CA10: variants seen among roughly 807,000 people sequenced by gnomAD.
CA10 encodes the protein carbonic anhydrase 10 (inactive).
CA10 carries 14 observed loss-of-function variants against 44.2 expected under a neutral mutation model. The observed-to-expected ratio is 0.32, with a 90% confidence interval of 0.21 to 0.50. The LOEUF is 0.50. Ranked by LOEUF, CA10 falls within the 20% of genes least tolerant of loss-of-function variation. The pLI, the probability that CA10 is intolerant of heterozygous loss-of-function variation, is 0.99. For synonymous variants in CA10, 159 were observed against 141.6 expected (o/e 1.12, Z -0.87); for missense variants, 350 against 409.7 (o/e 0.85, Z 1.26).
At chr17:51,725,775 G>A (rs569458931) in intron 4 of CA10, among the ~76,000 whole-genome samples, 23 of 152,260 alleles carry the variant, frequency 1.5e-4, no homozygotes, top group African/African-American at 5.5e-4. Flanking sequence ...CAGCTGTAAT[G>A]GGCCCTGGGC....
chr17:51,898,367 A>G (rs1277381374), intron 3 of CA10, among the ~76,000 whole-genome samples: 1 of 152,084 alleles, frequency 6.6e-6, no homozygotes, highest in African/African-American at 2.4e-5. Context: ...TGATTTGCCT[A>G]TGTTGAACCA....
intron 3 of CA10, among the ~76,000 whole-genome samples, chr17:51,905,914 C>T (rs1981529742): frequency 6.6e-6 from 1 of 152,118 alleles, no homozygotes; most frequent in Non-Finnish European, 1.5e-5. Flanking sequence ...ACTTCCCCAG[C>T]TGTACCCACA....
At chr17:51,914,987 T>A (rs562254754) in intron 3 of CA10, among the ~76,000 whole-genome samples, 1 of 152,208 alleles carries the variant, frequency 6.6e-6, no homozygotes, top group Admixed American at 6.6e-5. Context: ...CTTTCCCTTT[T>A]TTCATCTATA....
intron 2 of CA10, among the ~76,000 whole-genome samples, chr17:51,989,375 T>C (rs1211018412): frequency 6.6e-6 from 1 of 152,060 alleles, no homozygotes; most frequent in Non-Finnish European, 1.5e-5. Context: ...GTCCATGTGT[T>C]CTCACCTTTT....
intron 2 of CA10, among the ~76,000 whole-genome samples, chr17:51,935,379 A>G (rs962314775): frequency 2.0e-5 from 3 of 152,192 alleles, no homozygotes; most frequent in Non-Finnish European, 2.9e-5. Flanking sequence ...TGTTGAGAGA[A>G]AATGTAAATA....
chr17:52,011,537 T>G (rs1485131627), intron 2 of CA10, among the ~76,000 whole-genome samples: 2 of 152,060 alleles, frequency 1.3e-5, no homozygotes, highest in East Asian at 3.9e-4. Flanking sequence ...ATATAAAACA[T>G]GAGATGCTTT....
chr17:51,924,619 A>G (rs543752187), intron 3 of CA10, among the ~76,000 whole-genome samples: 3 of 152,156 alleles, frequency 2.0e-5, no homozygotes, highest in Non-Finnish European at 4.4e-5. Context: ...CCTTCTTTCC[A>G]TAAGAGGGGA....
At chr17:51,878,430 A>G (rs1980187343) in intron 3 of CA10, among the ~76,000 whole-genome samples, 1 of 152,082 alleles carries the variant, frequency 6.6e-6, no homozygotes, top group South Asian at 2.1e-4. Context: ...AGCTATTTAG[A>G]GATGTGAAGA....
chr17:51,667,444 CT>C (rs1352391598), intron 4 of CA10, among the ~76,000 whole-genome samples: 2 of 152,054 alleles, frequency 1.3e-5, no homozygotes, highest in East Asian at 1.9e-4. Flanking sequence ...TAAAACAGCC[CT>C]TGTGGTATAT....
chr17:51,690,301 C>CATGTACAGT (rs1915149890), intron 4 of CA10, among the ~76,000 whole-genome samples: 1 of 152,186 alleles, frequency 6.6e-6, no homozygotes, highest in African/African-American at 2.4e-5. Context: ...CTATAGTCAT[C>CATGTACAGT]ATGTACAGTA....
chr17:51,879,248 A>T (rs925037094), intron 3 of CA10, among the ~76,000 whole-genome samples: 1 of 152,016 alleles, frequency 6.6e-6, no homozygotes, highest in Non-Finnish European at 1.5e-5. Flanking sequence ...GTTACAGTGA[A>T]TTTTTTCATG....
chr17:51,922,125 C>A (rs203076), intron 3 of CA10, among the ~76,000 whole-genome samples: 113,012 of 152,050 alleles, frequency 0.74, 42,402 homozygotes, highest in African/African-American at 0.8. Context: ...TACCTGCCTA[C>A]TAAGTGCATT....
chr17:51,771,374 C>A (rs1311656457), intron 3 of CA10, among the ~76,000 whole-genome samples: 1 of 152,104 alleles, frequency 6.6e-6, no homozygotes, highest in Non-Finnish European at 1.5e-5. Context: ...GGATGATTGA[C>A]CTGTCCAAAA....
chr17:52,033,578 A>T (rs1448046652), intron 2 of CA10, among the ~76,000 whole-genome samples: 1 of 152,214 alleles, frequency 6.6e-6, no homozygotes, highest in African/African-American at 2.4e-5. Context: ...TCAGCAGTTA[A>T]ATGAACTAAA....
intron 3 of CA10, among the ~76,000 whole-genome samples, chr17:51,797,901 T>C (rs1598050130): frequency 7.6e-6 from 1 of 130,924 alleles, no homozygotes; most frequent in Non-Finnish European, 1.6e-5. Flanking sequence ...TTGACAAGAG[T>C]AGCTAATCTA....
At chr17:51,766,516 T>C (rs939891926) in intron 3 of CA10, among the ~76,000 whole-genome samples, 1 of 152,200 alleles carries the variant, frequency 6.6e-6, no homozygotes, top group African/African-American at 2.4e-5. Context: ...CTTAGCTTCA[T>C]GGTGTTGGGC....
At chr17:52,039,232 A>G (rs1986701776) in intron 2 of CA10, among the ~76,000 whole-genome samples, 1 of 152,126 alleles carries the variant, frequency 6.6e-6, no homozygotes, top group African/African-American at 2.4e-5. Flanking sequence ...TTATTGTAGC[A>G]CTGAAATCCA....
At chr17:51,981,683 A>G (rs1479976519) in intron 2 of CA10, among the ~76,000 whole-genome samples, 1 of 152,072 alleles carries the variant, frequency 6.6e-6, no homozygotes, top group East Asian at 1.9e-4. Context: ...TCATTTCTAC[A>G]AGACTACCCA....
chr17:51,750,650 T>C (rs1904861422), intron 3 of CA10, among the ~76,000 whole-genome samples: 1 of 152,226 alleles, frequency 6.6e-6, no homozygotes, highest in African/African-American at 2.4e-5. Context: ...ATCCATCTGC[T>C]ATGGGGAGTA....
Sources: allele counts gnomAD v4.1 joint callset (sites outside exome capture counted in the v4.1 genomes callset), GRCh38; gene constraint gnomAD v4.1.1; transcripts MANE v1.5; gene names NCBI Gene and HGNC (gene_info 2026-07-23, HGNC 2026-07-21).